Variants in SORCS3 observed in about 807,000 individuals in gnomAD.
The protein encoded by SORCS3 is VPS10 domain-containing receptor SorCS3.
Under a neutral mutation model 146.3 loss-of-function variants are expected in SORCS3, and 57 were observed. That is an observed-to-expected ratio of 0.39 (90% CI 0.31 to 0.49). SORCS3 has a LOEUF of 0.49. Among genes scored for constraint, SORCS3 ranks in the 20% least tolerant of loss-of-function variants. SORCS3 has a pLI of 0.92. For synonymous variants in SORCS3, 653 were observed against 618.5 expected (o/e 1.06, Z -0.83); for missense variants, 1,341 against 1,575.5 (o/e 0.85, Z 2.52).
chr10:104,999,651 G>T (rs909759247), intron 4 of SORCS3, among the ~76,000 whole-genome samples: 5 of 152,160 alleles, frequency 3.3e-5, no homozygotes, highest in Non-Finnish European at 7.3e-5. Context: ...TGAAAACCCT[G>T]ATCTACACCC....
chr10:105,237,833 G>C (rs1441697820), intron 20 of SORCS3, among the ~76,000 whole-genome samples: 1 of 152,182 alleles, frequency 6.6e-6, no homozygotes, highest in Non-Finnish European at 1.5e-5. Context: ...CTTTTACAGA[G>C]AATACAATTA....
At chr10:104,756,470 C>G (rs1418136511) in intron 1 of SORCS3, among the ~76,000 whole-genome samples, 2 of 152,162 alleles carry the variant, frequency 1.3e-5, no homozygotes, top group Non-Finnish European at 2.9e-5. Flanking sequence ...TGATGGAGAG[C>G]TCAAAGAGTT....
chr10:104,643,474 G>A (rs2015452435), intron 1 of SORCS3, among the ~76,000 whole-genome samples: 1 of 152,218 alleles, frequency 6.6e-6, no homozygotes, highest in African/African-American at 2.4e-5. Flanking sequence ...CTTCGCAGCA[G>A]CGCGATGGCG....
intron 1 of SORCS3, among the ~76,000 whole-genome samples, chr10:104,781,047 C>T (rs555569756): frequency 2.0e-5 from 3 of 152,164 alleles, no homozygotes; most frequent in Non-Finnish European, 4.4e-5. Context: ...ATTGTCATAC[C>T]AGTATGGATG....
intron 3 of SORCS3, among the ~76,000 whole-genome samples, chr10:104,957,165 C>T (rs998329157): frequency 2.0e-5 from 3 of 151,968 alleles, no homozygotes; most frequent in Non-Finnish European, 2.9e-5. Context: ...GGGCTGAGTG[C>T]GGGAAGTGAA....
chr10:105,147,484 T>A, intron 8 of SORCS3, 133 bp from the exon 9 acceptor site: 1 of 666,516 alleles, frequency 1.5e-6, no homozygotes, highest in Admixed American at 3.5e-5. Context: ...TGGTTCAACA[T>A]GGAATTGTTT....
At chr10:104,777,895 A>G (rs958651739) in intron 1 of SORCS3, among the ~76,000 whole-genome samples, 3 of 152,166 alleles carry the variant, frequency 2.0e-5, no homozygotes, top group African/African-American at 4.8e-5. Context: ...TTAAAAAAGT[A>G]TCAATTTTTA....
intron 3 of SORCS3, among the ~76,000 whole-genome samples, chr10:104,962,369 T>C (rs577900361): frequency 6.6e-6 from 1 of 152,280 alleles, no homozygotes; most frequent in East Asian, 1.9e-4. Context: ...CTGGGTATGT[T>C]TTTAAAGACA....
chr10:104,660,594 C>A (rs1016459781), intron 1 of SORCS3, among the ~76,000 whole-genome samples: 1 of 152,134 alleles, frequency 6.6e-6, no homozygotes, highest in African/African-American at 2.4e-5. Context: ...GGAAAATGGT[C>A]TAATACTGGT....
At chr10:104,938,229 A>T (rs1176330992) in intron 3 of SORCS3, among the ~76,000 whole-genome samples, 2 of 152,156 alleles carry the variant, frequency 1.3e-5, no homozygotes, top group African/African-American at 4.8e-5. Context: ...ATAACCTGGA[A>T]TGAGGCTGGG....
At chr10:104,860,499 G>A (rs2133560295) in intron 2 of SORCS3, among the ~76,000 whole-genome samples, 1 of 148,960 alleles carries the variant, frequency 6.7e-6, no homozygotes, top group East Asian at 2.0e-4. Flanking sequence ...CAGCACACCA[G>A]CATGGCACAT....
rs1394162218 is a variant in SORCS3 at position 104,696,507 on chromosome 10, T to TAGA, written c.627+54554_627+54555insGAA. ...TATATAATATATAATATATATAATA[T>TAGA]ATAATATATAATATAGAATATATAT... On this transcript the variant is annotated intron_variant, in intron 1 of 26. Transcript: ENST00000369701. Among the ~76,000 whole-genome samples, 143 of 91,210 alleles carry TAGA rather than the reference T, an allele frequency of 1.6e-3. 17 individuals carry two copies. The highest frequency in any genetic ancestry group is 6.8e-3 in the African/African-American group (137 of 20,242). 59.8% of individuals were successfully genotyped at this position (91,210 alleles called of 152,430 possible).
intron 5 of SORCS3, among the ~76,000 whole-genome samples, chr10:105,084,104 T>C (rs2055643128): frequency 6.6e-6 from 1 of 152,204 alleles, no homozygotes; most frequent in African/African-American, 2.4e-5. Flanking sequence ...TCCTAACTCA[T>C]AGAGTTGATG....
At chr10:105,059,218 T>C (rs1339741963) in intron 5 of SORCS3, among the ~76,000 whole-genome samples, 1 of 152,076 alleles carries the variant, frequency 6.6e-6, no homozygotes, top group Non-Finnish European at 1.5e-5. Context: ...AACCCCCTCT[T>C]TTCTCCACCG....
rs77302859 is a variant in SORCS3 at position 105,075,537 on chromosome 10, C to G, written c.1029-14238C>G. Among the ~76,000 whole-genome samples the G allele has an allele frequency of 6.3e-3, 958 of 152,256 alleles. 6 individuals carry two copies. The highest frequency in any genetic ancestry group is 0.045 in the East Asian group (232 of 5,164). ...CAGGGATGTTCACAGAAGCCCTCTC[C>G]TAATGGGTGTGGTCCTTGCTGATGG... On this transcript the variant is annotated intron_variant, in intron 5 of 26. Transcript: ENST00000369701.
chr10:104,877,521 T>C (rs1375149418), intron 2 of SORCS3, among the ~76,000 whole-genome samples: 2 of 152,220 alleles, frequency 1.3e-5, no homozygotes. Context: ...TGTATCTTGC[T>C]GTCTGCTATT....
intron 13 of SORCS3, among the ~76,000 whole-genome samples, chr10:105,168,071 G>T (rs1199441742): frequency 6.6e-6 from 1 of 152,064 alleles, no homozygotes; most frequent in Non-Finnish European, 1.5e-5. Context: ...GTCAGTTATG[G>T]AATAAAAAAC....
At chr10:105,172,633 T>G (rs2056369506) in intron 13 of SORCS3, among the ~76,000 whole-genome samples, 1 of 152,200 alleles carries the variant, frequency 6.6e-6, no homozygotes, top group Non-Finnish European at 1.5e-5. Context: ...AATTCAGTTT[T>G]TCTTCTTCTT....
At chr10:104,689,677 G>C (rs1157478068) in intron 1 of SORCS3, among the ~76,000 whole-genome samples, 1 of 150,868 alleles carries the variant, frequency 6.6e-6, no homozygotes, top group Non-Finnish European at 1.5e-5. Context: ...TTTTCATTTT[G>C]TCAGTCTTCA....
Sources: gnomAD v4.1 joint callset for allele counts (sites outside exome capture counted in the v4.1 genomes callset) on GRCh38, gnomAD v4.1.1 for gene constraint, MANE v1.5 for transcripts, NCBI Gene and HGNC (gene_info 2026-07-23, HGNC 2026-07-21) for gene names.